Variants in COL1A1 observed in about 807,000 individuals in gnomAD.
The protein encoded by COL1A1 is collagen alpha-1(I) chain.
A neutral mutation model predicts 195.7 loss-of-function variants in COL1A1; 21 were observed. The observed-to-expected ratio is 0.11, with a 90% CI of 0.08 to 0.15. The LOEUF is 0.15. Ranked by LOEUF, COL1A1 falls within the 10% of genes least tolerant of loss-of-function variation. The pLI is 1.00. For missense variants in COL1A1, 1,365 were observed against 2,051.0 expected (o/e 0.67, Z 6.46); for synonymous variants, 749 against 747.3 (o/e 1.00, Z -0.04).
At chr17:50,191,634 C>A in intron 31 of COL1A1, 144 bp from the exon 32 acceptor site, 1 of 1,104,026 alleles carries the variant, frequency 9.1e-7, no homozygotes, top group South Asian at 1.3e-5. Context: ...ACAGCCCAGA[C>A]TCCAGGCTGT....
rs756297543 is a variant in COL1A1, at chr17:50,186,335, G to A, written c.3987C>T (p.Ser1329=). Residue 1329 remains serine, a synonymous_variant, in exon 49 of 51, where the codon AGC becomes AGT. Coordinates refer to ENST00000225964, the MANE Select transcript of COL1A1 (RefSeq NM_000088.4). This position sits in a 1 kb window ranked among gnomAD's most constrained non-coding sequence, Gnocchi z 5.3. ...CACGCACCTGGAATCCATCGGTCAT[G>A]CTCTCGCCGAACCAGACATGCCTCT... is the stretch of plus-strand genomic sequence containing the variant. ...KDKRHVWFGE[S]MTDGFQFEYG... 26 of 1,614,098 alleles carry A rather than the reference G, an allele frequency of 1.6e-5. No homozygotes were observed. The highest frequency in any genetic ancestry group is 2.2e-5 in the Non-Finnish European group (26 of 1,180,052).
intron 1 of COL1A1, among the ~76,000 whole-genome samples, chr17:50,200,891 G>T (rs999370794): frequency 2.6e-5 from 4 of 152,162 alleles, no homozygotes; most frequent in African/African-American, 9.7e-5. Flanking sequence ...AGCAGGGGGC[G>T]CAAGGACCCC....
Position 50,197,001 on chromosome 17 carries a change from G to C in COL1A1, c.804+9C>G. The C allele has an allele frequency of 6.2e-7, 1 of 1,613,994 alleles. No homozygotes were observed. The highest frequency in any genetic ancestry group is 8.5e-7 in the Non-Finnish European group (1 of 1,179,942). On this transcript the variant is annotated intron_variant, in intron 11 of 50. Transcript: ENST00000225964. ...CTTGGGGAGCTTAAATGACTCAAAGGTGACTCACTCTGTGTCCCTTCATTC... is the reference window on the plus strand; with the variant it reads ...CTTGGGGAGCTTAAATGACTCAAAGCTGACTCACTCTGTGTCCCTTCATTC...
At chr17:50,191,260 G>A (rs1034052301) in intron 32 of COL1A1, 123 bp downstream of exon 32, 4 of 962,380 alleles carry the variant, frequency 4.2e-6, no homozygotes, top group Admixed American at 3.6e-5. Context: ...GGGGAAAGGG[G>A]AAGAAGGGAG....
At chr17:50,199,136 T>G in intron 5 of COL1A1, 90 bp downstream of exon 5, 2 of 1,395,176 alleles carry the variant, frequency 1.4e-6, no homozygotes, top group Non-Finnish European at 1.9e-6. Context: ...TCTGTAAGTT[T>G]GAAATTATTT....
At position 50,190,823 on chromosome 17, in the gene COL1A1, A is replaced by G; in HGVS notation, c.2337T>C (p.Gly779=). The change falls in exon 33 of 51, where the codon GGT becomes GGC. Residue 779 remains glycine (G), a synonymous_variant. Coordinates refer to ENST00000225964, the MANE Select transcript of COL1A1 (RefSeq NM_000088.4). This position sits in a 1 kb window ranked among gnomAD's most constrained non-coding sequence, Gnocchi z 4.7. ...GGGGAGGCGGCCACCTCACCTTGTC[A>G]CCAGGGGCACCAGCAGGGCCAGGAG... ...IGPPGPAGAP[G]DKGESGPSGP... is the part of the protein sequence containing the mutation. 1 of 1,610,158 alleles carries G rather than the reference A, an allele frequency of 6.2e-7. No homozygotes were observed. Among genetic ancestry groups the G allele is most frequent in the Middle Eastern group, 1.7e-4 (1 of 6,032 alleles).
rs758319203 is a variant in COL1A1, at chr17:50,191,785, C to T, written c.2127+3G>A. Reference sequence around the variant, plus strand: ...GCCAGAGCCCCTTCCACGCTGCCCTCACCTTAGCACCATCGTTGCCGGGAG... The same window carrying T: ...GCCAGAGCCCCTTCCACGCTGCCCTTACCTTAGCACCATCGTTGCCGGGAG... On this transcript the variant is annotated splice_donor_region_variant and intron_variant, in intron 31 of 50. Coordinates refer to ENST00000225964, the MANE Select transcript of COL1A1 (RefSeq NM_000088.4). 1 of 1,574,842 alleles carries T rather than the reference C, an allele frequency of 6.3e-7. No individual in the cohort carries two copies. Among genetic ancestry groups the T allele is most frequent in the South Asian group, 1.2e-5 (1 of 86,412 alleles).
chr17:50,188,117 A>G lies in COL1A1; in HGVS notation c.3240T>C (p.Pro1080=), dbSNP rs1800216. 1 of 1,580,946 alleles carries G rather than the reference A, an allele frequency of 6.3e-7. No individual in the cohort carries two copies. The highest frequency in any genetic ancestry group is 8.6e-7 in the Non-Finnish European group (1 of 1,161,948). ...TTACGGCGGGGCCACGGGCGCCAACAGGGCCGACAGGACCGGCGGGACCAG... is the reference window on the plus strand; with the variant it reads ...TTACGGCGGGGCCACGGGCGCCAACGGGGCCGACAGGACCGGCGGGACCAG... ...GPAGPAGPVG[P]VGARGPAGPQ... is the part of the protein sequence containing the mutation. The change falls in exon 44 of 51, where the codon CCT becomes CCC. Residue 1080 remains proline, a synonymous_variant. Coordinates refer to ENST00000225964, the MANE Select transcript of COL1A1 (RefSeq NM_000088.4). This position sits in a 1 kb window ranked among gnomAD's most constrained non-coding sequence, Gnocchi z 5.6.
intron 29 of COL1A1, 85 bp downstream of exon 29, chr17:50,192,390 T>G (rs1907176075): frequency 1.4e-6 from 2 of 1,441,780 alleles, no homozygotes; most frequent in South Asian, 2.4e-5. Flanking sequence ...CTCTAGTTGA[T>G]GGCTGTCTGA....
chr17:50,189,154 A>AG lies in COL1A1; in HGVS notation c.2937+13dup, dbSNP rs772410249. The AG allele has an allele frequency of 3.1e-6, 5 of 1,607,536 alleles. No homozygotes were observed. The highest frequency in any genetic ancestry group is 1.3e-5 in the African/African-American group (1 of 74,852). On this transcript the variant is annotated intron_variant, in intron 40 of 50. Transcript: ENST00000225964. The surrounding 1 kb of genome is among the most constrained non-coding windows in gnomAD (Gnocchi z 5.5). The stretch of plus-strand genomic sequence containing the variant: ...GTTTTTCTCAGGGCCCCCCAAGGTG[A>AG]GGGGGGCACTTACAGAGGGGCCAGG...
Position 50,186,856 on chromosome 17 carries a change from A to G in COL1A1, c.3598T>C (p.Phe1200Leu), listed in dbSNP as rs1193120298. 2 of 1,614,098 alleles carry G rather than the reference A, an allele frequency of 1.2e-6. No homozygotes were observed. The highest frequency in any genetic ancestry group is 2.7e-5 in the African/African-American group (2 of 75,036). Residue 1200 changes from phenylalanine (F) to leucine (L), a missense_variant, in exon 48 of 51, where the codon TTC (phenylalanine) becomes CTC (leucine). Phe to Leu is a conservative substitution (Grantham distance 22). Coordinates refer to ENST00000225964, the MANE Select transcript of COL1A1 (RefSeq NM_000088.4). This position sits in a 1 kb window ranked among gnomAD's most constrained non-coding sequence, Gnocchi z 5.3. ...GPPSAGFDFS[F>L]LPQPPQEKAH... ...TTCTCTTGAGGTGGCTGGGGCAGGA[A>G]GCTGAAGTCGAAACCAGCGCTGGGA...
Position 50,191,498 on chromosome 17 carries a change from AC to A in COL1A1, c.2128-9del. The stretch of plus-strand genomic sequence containing the variant: ...AGGGGCACCAGCATCACCCTATGTG[AC>A]AACCAAGAAGACTGGAGTGAGGCCT... On this transcript the variant is annotated splice_polypyrimidine_tract_variant and intron_variant, in intron 31 of 50. Transcript: ENST00000225964. 1 of 1,613,532 alleles carries A rather than the reference AC, an allele frequency of 6.2e-7. No individual in the cohort carries two copies. The highest frequency in any genetic ancestry group is 8.5e-7 in the Non-Finnish European group (1 of 1,179,618).
At position 50,190,675 on chromosome 17, in the gene COL1A1, C is replaced by A; in HGVS notation, c.2344-79G>T. On this transcript the variant is annotated intron_variant, in intron 33 of 50. Coordinates refer to ENST00000225964, the MANE Select transcript of COL1A1 (RefSeq NM_000088.4). The surrounding 1 kb of genome is among the most constrained non-coding windows in gnomAD (Gnocchi z 4.7). ...GTAGATGACCCCAGGAGAGCCTCCC[C>A]TCCTTCTGGTCCCTCCAGGTTCCCA... 1 of 1,544,684 alleles carries A rather than the reference C, an allele frequency of 6.5e-7. No individual in the cohort carries two copies. Among genetic ancestry groups the A allele is most frequent in the Non-Finnish European group, 8.9e-7 (1 of 1,123,326 alleles).
chr17:50,196,906 G>T, intron 11 of COL1A1, 104 bp downstream of exon 11: 2 of 1,355,034 alleles, frequency 1.5e-6, no homozygotes, highest in South Asian at 1.2e-5. Context: ...TTCTGTAGCT[G>T]CCACCCACCA....
rs773286290 is a variant in COL1A1, at chr17:50,194,597, G to T, written c.1491C>A (p.Gly497=). 1.3e-6 allele frequency: 2 copies of T among 1,575,940 alleles called. No homozygotes were observed. Among genetic ancestry groups the T allele is most frequent in the South Asian group, 1.1e-5 (1 of 87,238 alleles). ...CCTTGGGACCAGCAACACCATCTGC[G>T]CCAGGGAAACCACGGCTACCAGGTC... The part of the protein sequence containing the change: ...RGGPGSRGFP[G]ADGVAGPKGP... Residue 497 remains glycine (G), a synonymous_variant, in exon 22 of 51, where the codon GGC becomes GGA. Transcript: ENST00000225964. The surrounding 1 kb of genome is among the most constrained non-coding windows in gnomAD (Gnocchi z 6.8).
intron 6 of COL1A1, 91 bp from the exon 7 acceptor site, chr17:50,198,296 C>T (rs1331531666): frequency 6.4e-6 from 10 of 1,563,740 alleles, no homozygotes; most frequent in East Asian, 4.5e-5. Flanking sequence ...ACCACCCAGT[C>T]GTCCTGCATC....
In COL1A1 at chr17:50,194,024, A is replaced by G. The variant is rs1907336655; in HGVS notation, c.1686T>C (p.Asp562=). 1.9e-6 allele frequency: 3 copies of G among 1,613,932 alleles called. No homozygotes were observed. The highest frequency in any genetic ancestry group is 2.2e-5 in the South Asian group (2 of 91,074). Residue 562 remains aspartate (D), a synonymous_variant, in exon 25 of 51, where the codon GAT becomes GAC. Coordinates refer to ENST00000225964, the MANE Select transcript of COL1A1 (RefSeq NM_000088.4). This position sits in a 1 kb window ranked among gnomAD's most constrained non-coding sequence, Gnocchi z 6.8. ...GTGGGCCTGGGGGTCCGGGGCGACC[A>G]TCTTGACCGGCGGGACCCTAAGGAT... ...KTGPPGPAGQ[D]GRPGPPGPPG...
chr17:50,197,291 G>A (rs1226806677), intron 9 of COL1A1, 58 bp from the exon 10 acceptor site: 1 of 1,562,686 alleles, frequency 6.4e-7, no homozygotes, highest in East Asian at 2.2e-5. Context: ...CCTAGGGGCT[G>A]GAAAAGTGGA....
Position 50,201,580 on chromosome 17 carries a change from C to T in COL1A1, c.-67G>A, listed in dbSNP as rs1908103029. The T allele has an allele frequency of 1.4e-6, 2 of 1,423,802 alleles. No individual in the cohort carries two copies. The highest frequency in any genetic ancestry group is 2.0e-5 in the Admixed American group (1 of 49,776). 88.2% of individuals were successfully genotyped at this position (1,423,802 alleles called of 1,614,324 possible). On this transcript the variant is annotated 5_prime_UTR_variant, in exon 1 of 51. Coordinates refer to ENST00000225964, the MANE Select transcript of COL1A1 (RefSeq NM_000088.4). ...GGGTTAGCGTCCGCTCATGCGTGGCCTCACACTCCGCGTGCCTCCTGCTCC... is the reference window on the plus strand; with the variant it reads ...GGGTTAGCGTCCGCTCATGCGTGGCTTCACACTCCGCGTGCCTCCTGCTCC...
Sources: gnomAD v4.1 joint callset for allele counts (sites outside exome capture counted in the v4.1 genomes callset) on GRCh38, gnomAD v4.1.1 for gene constraint, Gnocchi (gnomAD v3.1) non-coding constraint, MANE v1.5 for transcripts, NCBI Gene and HGNC (gene_info 2026-07-23, HGNC 2026-07-21) for gene names.